CHD9: variants seen among roughly 807,000 people sequenced by gnomAD.
CHD9 encodes the protein chromodomain helicase DNA binding protein 9.
Under a neutral mutation model 316.1 loss-of-function variants are expected in CHD9, and 77 were observed. The observed-to-expected ratio is 0.24, with a 90% confidence interval of 0.20 to 0.29. The LOEUF is 0.29. Ranked by LOEUF, CHD9 falls within the 10% of genes least tolerant of loss-of-function variation. CHD9 has a pLI of 1.00. For missense variants in CHD9, 2,763 were observed against 3,438.1 expected (o/e 0.80, Z 4.91); for synonymous variants, 1,129 against 1,158.3 (o/e 0.97, Z 0.51).
At chr16:53,277,328 C>T (rs545599881) in intron 24 of CHD9, among the ~76,000 whole-genome samples, 2 of 152,260 alleles carry the variant, frequency 1.3e-5, no homozygotes, top group African/African-American at 4.8e-5. Flanking sequence ...AGACCAGTAT[C>T]CTTAATGAAC....
In CHD9 at chr16:53,314,947, C is replaced by T. The variant is rs759493494; in HGVS notation, c.7487C>T (p.Thr2496Met). ...CCAGTTATTAATCTTAAAGATGGAA[C>T]GAGACTTGCAGGAGATGATGCACCA... ...PVPVINLKDG[T>M]RLAGDDAPKR... Residue 2496 changes from threonine (T) to methionine (M), a missense_variant, in exon 36 of 39, where the codon ACG becomes ATG. By Grantham distance (81) the Thr-to-Met change is moderately conservative (BLOSUM62 -1). Coordinates refer to ENST00000447540, the MANE Select transcript of CHD9 (RefSeq NM_001308319.2). 47 of 1,613,516 alleles carry T rather than the reference C, an allele frequency of 2.9e-5. No homozygotes were observed. Among genetic ancestry groups the T allele is most frequent in the South Asian group, 1.3e-4 (12 of 91,076 alleles).
At chr16:53,148,718 C>A (rs1231126662) in intron 1 of CHD9, among the ~76,000 whole-genome samples, 1 of 152,146 alleles carries the variant, frequency 6.6e-6, no homozygotes, top group Non-Finnish European at 1.5e-5. Context: ...TGTAGGAGTT[C>A]TTTAAAAATT....
intron 1 of CHD9, among the ~76,000 whole-genome samples, chr16:53,100,453 C>CTTTTTTTTTTTTTTTTT (rs61450186): frequency 7.7e-6 from 1 of 129,638 alleles, no homozygotes; most frequent in Non-Finnish European, 1.7e-5. Context: ...ACTCATTCGT[C>CTTTTTTTTTTTTTTTTT]TTTTTTTTTT....
At chr16:53,300,255 A>C (rs1252243628) in intron 30 of CHD9, among the ~76,000 whole-genome samples, 1 of 152,120 alleles carries the variant, frequency 6.6e-6, no homozygotes, top group Non-Finnish European at 1.5e-5. Context: ...CGGGAGGCTG[A>C]GGCAGGAGAA....
intron 1 of CHD9, among the ~76,000 whole-genome samples, chr16:53,127,282 A>G (rs993045707): frequency 2.6e-5 from 4 of 152,182 alleles, no homozygotes; most frequent in African/African-American, 9.7e-5. Context: ...TCTTGATTGT[A>G]TAAGTTTTCT....
intron 19 of CHD9, among the ~76,000 whole-genome samples, chr16:53,258,299 C>G (rs1052311942): frequency 6.6e-6 from 1 of 152,114 alleles, no homozygotes; most frequent in Non-Finnish European, 1.5e-5. Flanking sequence ...CAAGTATACT[C>G]TAATGCTCTG....
At chr16:53,095,743 T>C (rs2036323301) in intron 1 of CHD9, among the ~76,000 whole-genome samples, 1 of 152,198 alleles carries the variant, frequency 6.6e-6, no homozygotes, top group South Asian at 2.1e-4. Context: ...AATCTCCTGT[T>C]AGTGGACATT....
chr16:53,069,162 G>A lies in CHD9; in HGVS notation c.-165+14085G>A, dbSNP rs555261778. Among the ~76,000 whole-genome samples the A allele has an allele frequency of 9.2e-5, 14 of 152,084 alleles. 1 individual carries two copies. The highest frequency in any genetic ancestry group is 3.1e-4 in the African/African-American group (13 of 41,470). ...TGGGATTACAGGCATGTGCCACCAC[G>A]CCCAGCTAATTTTTGTATTTTTACT... On this transcript the variant is annotated intron_variant, in intron 1 of 38. Transcript: ENST00000447540.
intron 24 of CHD9, among the ~76,000 whole-genome samples, chr16:53,281,685 C>G (rs561998264): frequency 6.6e-6 from 1 of 152,272 alleles, no homozygotes; most frequent in African/African-American, 2.4e-5. Flanking sequence ...GTGTCCCTCA[C>G]CCACCATGCT....
Position 53,155,972 on chromosome 16 carries a change from A to G in CHD9, c.-118A>G, listed in dbSNP as rs750828545. The G allele has an allele frequency of 1.4e-5, 12 of 875,904 alleles. No individual in the cohort carries two copies. Among genetic ancestry groups the G allele is most frequent in the Admixed American group, 3.0e-5 (1 of 33,580 alleles). 54.3% of individuals were successfully genotyped at this position (875,904 alleles called of 1,614,324 possible). On this transcript the variant is annotated 5_prime_UTR_variant, in exon 2 of 39. In the 5' UTR this introduces an upstream ATG that the reference lacks. Transcript: ENST00000447540. ...GTCATTATTTAGAGCAATAATGAAT[A>G]TTGACCTGTTTTGGATTAGTTGATG...
Position 53,267,956 on chromosome 16 carries a change from A to G in CHD9, c.4547A>G (p.His1516Arg). 1 of 1,613,660 alleles carries G rather than the reference A, an allele frequency of 6.2e-7. No individual in the cohort carries two copies. The highest frequency in any genetic ancestry group is 8.5e-7 in the Non-Finnish European group (1 of 1,179,682). ...GGCCGATGGAGAGAGATTCTATCTCATGGCCGTTTCAAAAGGCAGCTAAAT... is the reference window on the plus strand; with the variant it reads ...GGCCGATGGAGAGAGATTCTATCTCGTGGCCGTTTCAAAAGGCAGCTAAAT... ...GWGRWREILSHGRFKRQLNEH... is the reference protein window; with the variant it reads ...GWGRWREILSRGRFKRQLNEH... The change falls in exon 22 of 39, where the codon CAT becomes CGT. Residue 1516 changes from histidine (H) to arginine (R), a missense_variant. By Grantham distance (29) the His-to-Arg change is conservative. Transcript: ENST00000447540.
intron 3 of CHD9, among the ~76,000 whole-genome samples, chr16:53,220,778 T>C (rs1038558057): frequency 6.6e-6 from 1 of 152,228 alleles, no homozygotes; most frequent in African/African-American, 2.4e-5. Flanking sequence ...GTTGTCCAGC[T>C]GTCTGCTGCC....
At position 53,147,488 on chromosome 16, in the gene CHD9, C is replaced by A. The variant is rs1253777881; in HGVS notation, c.-164-8438C>A. 2.0e-5 allele frequency among the ~76,000 whole-genome samples: 3 copies of A among 152,288 alleles called. No homozygotes were observed. In the East Asian group the frequency reaches 5.8e-4, roughly 29 times the overall value. Reference sequence around the variant, plus strand: ...TTTTTTATCATCTCAAGGCACTGTACCCATTACCAAATAACTTCTACTCTC... The same window carrying A: ...TTTTTTATCATCTCAAGGCACTGTAACCATTACCAAATAACTTCTACTCTC... On this transcript the variant is annotated intron_variant, in intron 1 of 38. Transcript: ENST00000447540.
intron 1 of CHD9, among the ~76,000 whole-genome samples, chr16:53,094,739 A>C (rs1457448746): frequency 6.7e-6 from 1 of 150,072 alleles, no homozygotes; most frequent in Non-Finnish European, 1.5e-5. Flanking sequence ...TCCCGGGTTC[A>C]AGTGATTCTC....
intron 1 of CHD9, among the ~76,000 whole-genome samples, chr16:53,078,991 C>T (rs993817177): frequency 6.6e-6 from 1 of 152,138 alleles, no homozygotes; most frequent in East Asian, 1.9e-4. Flanking sequence ...GGCATTATGT[C>T]GTCTTTGAAA....
Position 53,286,281 on chromosome 16 carries a change from A to T in CHD9, c.5127A>T (p.Arg1709Ser). The T allele has an allele frequency of 1.9e-6, 3 of 1,613,468 alleles. No homozygotes were observed. The highest frequency in any genetic ancestry group is 2.5e-6 in the Non-Finnish European group (3 of 1,179,470). Reference protein sequence around the residue: ...RADPALCFLERVGKPDEKAVA... With the variant: ...RADPALCFLESVGKPDEKAVA... ...ACCCAGCATTATGCTTCTTGGAAAG[A>T]GTGGGAAAACCTGATGAGAAAGCAG... The change falls in exon 26 of 39, where the codon AGA (arginine) becomes AGT (serine). Residue 1709 changes from arginine (R) to serine (S), a missense_variant. Around this residue, in one of 15 missense-constraint regions of CHD9, gnomAD observed 183 missense variants for 258.5 expected, o/e 0.71. Coordinates refer to ENST00000447540, the MANE Select transcript of CHD9 (RefSeq NM_001308319.2).
At chr16:53,220,351 A>G (rs1256154744) in intron 3 of CHD9, among the ~76,000 whole-genome samples, 1 of 152,200 alleles carries the variant, frequency 6.6e-6, no homozygotes. Context: ...AAAGCATTCT[A>G]TAACTTTTTC....
At chr16:53,212,060 A>G (rs2046372866) in intron 3 of CHD9, among the ~76,000 whole-genome samples, 1 of 152,196 alleles carries the variant, frequency 6.6e-6, no homozygotes, top group African/African-American at 2.4e-5. Context: ...GATATTAGTT[A>G]ATTTGGAAAG....
intron 32 of CHD9, 142 bp from the exon 33 acceptor site, chr16:53,307,539 A>G: frequency 1.4e-6 from 1 of 697,692 alleles, no homozygotes; most frequent in Non-Finnish European, 2.4e-6. Context: ...GAATTGTAAT[A>G]TATATATACA....
Sources: gnomAD v4.1 joint callset for allele counts (sites outside exome capture counted in the v4.1 genomes callset) on GRCh38, gnomAD v4.1.1 for gene constraint, gnomAD v4.1.1 regional missense constraint, MANE v1.5 for transcripts, NCBI Gene and HGNC (gene_info 2026-07-23, HGNC 2026-07-21) for gene names.